The following SLC24A2 variants were observed in gnomAD, a reference collection of about 807,000 sequenced individuals.
SLC24A2 encodes solute carrier family 24 member 2.
A neutral mutation model predicts 62.0 loss-of-function variants in SLC24A2; 36 were observed. The observed-to-expected ratio is 0.58, with a 90% CI of 0.44 to 0.77. The LOEUF is 0.77. Ranked by LOEUF, SLC24A2 falls within the 30% of genes least tolerant of loss-of-function variation. The pLI, the probability that SLC24A2 is intolerant of heterozygous loss-of-function variation, is 0.00. For synonymous variants in SLC24A2, 358 were observed against 294.0 expected, an observed-to-expected ratio of 1.22 and a Z score of -2.23; for missense variants, 846 against 817.9, an observed-to-expected ratio of 1.03 and a Z score of -0.42.
At chr9:20,045,418 C>T in the SLC24A2 span, among the ~76,000 whole-genome samples, 4 of 151,880 alleles carry the variant, frequency 2.6e-5, no homozygotes, top group African/African-American at 9.7e-5. Context: ...AAAAGGAACA[C>T]CTTATTATTA....
the SLC24A2 span, among the ~76,000 whole-genome samples, chr9:20,225,612 T>C: frequency 6.9e-4 from 80 of 116,748 alleles, no homozygotes; most frequent in Non-Finnish European, 1.1e-3. Flanking sequence ...GAGCTCTAAA[T>C]CCTCACTCAA....
At chr9:20,174,312 C>A in the SLC24A2 span, among the ~76,000 whole-genome samples, 2 of 151,698 alleles carry the variant, frequency 1.3e-5, no homozygotes, top group South Asian at 2.1e-4. Flanking sequence ...GACCAAGAAC[C>A]GAAAAGCAAA....
the SLC24A2 span, among the ~76,000 whole-genome samples, chr9:20,226,379 C>T: frequency 1.3e-5 from 2 of 152,110 alleles, no homozygotes; most frequent in African/African-American, 2.4e-5. Flanking sequence ...TGGCCATGTA[C>T]GTATAAAGAG....
At chr9:19,682,832 G>A (rs990837717) in intron 2 of SLC24A2, among the ~76,000 whole-genome samples, 3 of 152,114 alleles carry the variant, frequency 2.0e-5, no homozygotes, top group African/African-American at 7.2e-5. Context: ...AATTTTTGAA[G>A]GTAGGGCCAA....
the SLC24A2 span, among the ~76,000 whole-genome samples, chr9:19,875,149 A>T: frequency 4.6e-5 from 7 of 152,280 alleles, no homozygotes; most frequent in African/African-American, 1.2e-4. Context: ...TCATAAATGG[A>T]TACCTTTGTG....
the SLC24A2 span, among the ~76,000 whole-genome samples, chr9:20,134,395 A>G: frequency 2.6e-5 from 4 of 152,284 alleles, no homozygotes; most frequent in South Asian, 2.1e-4. Flanking sequence ...TCTACTTCCA[A>G]TGAGAAGGGA....
the SLC24A2 span, among the ~76,000 whole-genome samples, chr9:20,189,391 G>A: frequency 6.6e-6 from 1 of 152,164 alleles, no homozygotes; most frequent in Non-Finnish European, 1.5e-5. Flanking sequence ...TAACTGGGTA[G>A]TGAAAGTCCC....
the SLC24A2 span, among the ~76,000 whole-genome samples, chr9:20,223,587 G>A: frequency 6.6e-6 from 1 of 152,142 alleles, no homozygotes; most frequent in Non-Finnish European, 1.5e-5. Context: ...TTATCATAAA[G>A]CTTAGCAATA....
At chr9:19,733,242 C>A (rs2118721106) in intron 2 of SLC24A2, among the ~76,000 whole-genome samples, 1 of 152,260 alleles carries the variant, frequency 6.6e-6, no homozygotes, top group Non-Finnish European at 1.5e-5. Flanking sequence ...TTTCTTGGAA[C>A]AATTCGGTAT....
the SLC24A2 span, among the ~76,000 whole-genome samples, chr9:20,274,109 G>T: frequency 6.6e-6 from 1 of 152,186 alleles, no homozygotes; most frequent in Non-Finnish European, 1.5e-5. Context: ...ATATAAGAGG[G>T]AATAAGCCAA....
At chr9:19,648,901 G>T (rs1362863704) in intron 2 of SLC24A2, among the ~76,000 whole-genome samples, 1 of 143,402 alleles carries the variant, frequency 7.0e-6, no homozygotes. Context: ...ATGACTCAAA[G>T]TTATTTAATA....
the SLC24A2 span, among the ~76,000 whole-genome samples, chr9:20,216,262 G>A: frequency 5.6e-4 from 86 of 152,334 alleles, no homozygotes; most frequent in African/African-American, 1.9e-3. Context: ...AATACCAGCA[G>A]TAGATGAAAA....
the SLC24A2 span, among the ~76,000 whole-genome samples, chr9:20,276,471 C>T: frequency 6.6e-6 from 1 of 152,210 alleles, no homozygotes; most frequent in Non-Finnish European, 1.5e-5. Context: ...GGTACAGCCC[C>T]ACTCCTGGCT....
the SLC24A2 span, among the ~76,000 whole-genome samples, chr9:20,280,756 G>A: frequency 2.6e-5 from 4 of 152,158 alleles, no homozygotes; most frequent in South Asian, 6.2e-4. Flanking sequence ...ATCTCAAGAT[G>A]AGATCACCCT....
the SLC24A2 span, among the ~76,000 whole-genome samples, chr9:20,083,220 C>T: frequency 1.4e-4 from 22 of 152,318 alleles, no homozygotes; most frequent in African/African-American, 5.3e-4. Flanking sequence ...ATTGCCAATA[C>T]CTTTCATTCT....
chr9:20,199,141 T>C, the SLC24A2 span, among the ~76,000 whole-genome samples: 1 of 152,234 alleles, frequency 6.6e-6, no homozygotes, highest in Non-Finnish European at 1.5e-5. Context: ...TGTCATTTTA[T>C]TTTATTTTTT....
chr9:19,827,860 G>A, the SLC24A2 span, among the ~76,000 whole-genome samples: 11 of 152,218 alleles, frequency 7.2e-5, no homozygotes, highest in African/African-American at 2.6e-4. Context: ...ACCAACTCTG[G>A]AATCACCCAT....
At chr9:20,223,389 C>T in the SLC24A2 span, among the ~76,000 whole-genome samples, 1 of 152,198 alleles carries the variant, frequency 6.6e-6, no homozygotes, top group Admixed American at 6.5e-5. Flanking sequence ...CTTTGGGAGG[C>T]CAAGGTGGGA....
chr9:19,924,292 T>C, the SLC24A2 span, among the ~76,000 whole-genome samples: 1 of 152,216 alleles, frequency 6.6e-6, no homozygotes, highest in Non-Finnish European at 1.5e-5. Flanking sequence ...AGGGTGGTTG[T>C]GCAATTTCAG....
Sources: allele counts gnomAD v4.1 joint callset (sites outside exome capture counted in the v4.1 genomes callset), GRCh38; gene constraint gnomAD v4.1.1; transcripts MANE v1.5; gene names NCBI Gene and HGNC (gene_info 2026-07-23, HGNC 2026-07-21).